The following PRKAR1B variants were observed in gnomAD, a reference collection of about 807,000 sequenced individuals.
PRKAR1B encodes the protein protein kinase cAMP-dependent type I regulatory subunit beta.
A neutral mutation model predicts 46.5 loss-of-function variants in PRKAR1B; 22 were observed. The observed-to-expected ratio is 0.47, with a 90% CI of 0.34 to 0.68. The LOEUF (loss-of-function observed/expected upper bound fraction) is 0.68. Among genes scored for constraint, PRKAR1B ranks in the 30% least tolerant of loss-of-function variants. PRKAR1B has a pLI of 0.01. For missense variants in PRKAR1B, 445 were observed against 535.6 expected (o/e 0.83, Z 1.67); for synonymous variants, 259 against 217.7 (o/e 1.19, Z -1.67).
chr7:641,197 C>T (rs946353306), intron 4 of PRKAR1B, among the ~76,000 whole-genome samples: 2 of 152,298 alleles, frequency 1.3e-5, no homozygotes, highest in African/African-American at 4.8e-5. Context: ...CATGATCCGC[C>T]CGCCTCGGCC....
intron 4 of PRKAR1B, among the ~76,000 whole-genome samples, chr7:673,068 A>AC: frequency 7.0e-6 from 1 of 142,606 alleles, no homozygotes; most frequent in East Asian, 2.0e-4. Flanking sequence ...AAAAAAAAAA[A>AC]AAAAAAAAAA....
At chr7:600,626 C>G (rs1241751079) in intron 6 of PRKAR1B, among the ~76,000 whole-genome samples, 2 of 152,256 alleles carry the variant, frequency 1.3e-5, no homozygotes, top group South Asian at 2.1e-4. Flanking sequence ...CCCAGCCCCC[C>G]AGAAAGAGCT....
At chr7:649,897 T>TTGCTATGC (rs1784802335) in intron 4 of PRKAR1B, among the ~76,000 whole-genome samples, 3 of 151,372 alleles carry the variant, frequency 2.0e-5, no homozygotes, top group Admixed American at 6.6e-5. Flanking sequence ...GCTTGAGGTC[T>TTGCTATGC]TGCTATGCTG....
intron 9 of PRKAR1B, among the ~76,000 whole-genome samples, chr7:568,854 G>A (rs1469726522): frequency 3.9e-5 from 6 of 152,154 alleles, no homozygotes; most frequent in Non-Finnish European, 4.4e-5. Flanking sequence ...CATCTGTCTC[G>A]TCTGGGAACG....
chr7:594,800 G>A (rs571660541), intron 7 of PRKAR1B, among the ~76,000 whole-genome samples: 2 of 151,914 alleles, frequency 1.3e-5, no homozygotes, highest in African/African-American at 4.8e-5. Context: ...ATTATGAGGG[G>A]ACCCCAAGAC....
chr7:680,112 C>G (rs1229368059), intron 3 of PRKAR1B, among the ~76,000 whole-genome samples: 2 of 149,032 alleles, frequency 1.3e-5, no homozygotes, highest in Non-Finnish European at 3.0e-5. Flanking sequence ...GAGCTGAGAT[C>G]GCACCACTGC....
At chr7:552,927 C>T (rs1396575634) in intron 9 of PRKAR1B, among the ~76,000 whole-genome samples, 3 of 152,248 alleles carry the variant, frequency 2.0e-5, no homozygotes, top group South Asian at 4.1e-4. Flanking sequence ...GAGGGGTCTG[C>T]GGGTTGCCCA....
chr7:573,647 G>A (rs984157436), intron 9 of PRKAR1B, among the ~76,000 whole-genome samples: 1 of 152,244 alleles, frequency 6.6e-6, no homozygotes, highest in Non-Finnish European at 1.5e-5. Flanking sequence ...CAGCAGATGT[G>A]CCACTGCGGG....
rs74196521 is a variant in PRKAR1B at position 552,593 on chromosome 7, C to T, written c.892-1123G>A. ...CTGTGACCAGGGCATCTGAGCACCG[C>T]GGGACCTGCCCAGAGACCACCGTCC... On this transcript the variant is annotated intron_variant, in intron 9 of 10. Coordinates refer to ENST00000537384, the MANE Select transcript of PRKAR1B (RefSeq NM_001164760.2). Among the ~76,000 whole-genome samples, 1,992 of 152,360 alleles carry T rather than the reference C, an allele frequency of 0.013. 72 individuals are homozygous for T. The East Asian group carries it at 0.15, about 12-fold the overall frequency.
chr7:593,442 C>T lies in PRKAR1B; in HGVS notation c.708+2704G>A, dbSNP rs982996908. Among the ~76,000 whole-genome samples, 1 of 152,190 alleles carries T rather than the reference C, an allele frequency of 6.6e-6. No homozygotes were observed. Among genetic ancestry groups the T allele is most frequent in the Non-Finnish European group, 1.5e-5 (1 of 68,040 alleles). On this transcript the variant is annotated intron_variant, in intron 7 of 10. Coordinates refer to ENST00000537384, the MANE Select transcript of PRKAR1B (RefSeq NM_001164760.2). This position sits in a 1 kb window ranked among gnomAD's most constrained non-coding sequence, Gnocchi z 6.1. ...GCCAGCTATTCTTAGCGCACAGGGA[C>T]CCAAAATTAAAACAGAGGAAGCGCC...
intron 9 of PRKAR1B, among the ~76,000 whole-genome samples, chr7:570,444 C>T (rs563074534): frequency 6.6e-6 from 1 of 152,182 alleles, no homozygotes; most frequent in Admixed American, 6.5e-5. Flanking sequence ...CCCACCCTCC[C>T]GCGCTCCTGT....
Position 666,864 on chromosome 7 carries a change from T to C in PRKAR1B, c.440+10365A>G, listed in dbSNP as rs1356244091. ...CCAGCCTCCAAGGGGCAAGGCACCATCCAGAAGAAGTACCTTCATGGACTC... is the reference window on the plus strand; with the variant it reads ...CCAGCCTCCAAGGGGCAAGGCACCACCCAGAAGAAGTACCTTCATGGACTC... On this transcript the variant is annotated intron_variant, in intron 4 of 10. Transcript: ENST00000537384. The surrounding 1 kb of genome is among the most constrained non-coding windows in gnomAD (Gnocchi z 4.9). Among the ~76,000 whole-genome samples, 1 of 152,182 alleles carries C rather than the reference T, an allele frequency of 6.6e-6. No individual in the cohort carries two copies. The highest frequency in any genetic ancestry group is 2.4e-5 in the African/African-American group (1 of 41,436).
At chr7:595,153 C>T (rs971929249) in intron 7 of PRKAR1B, among the ~76,000 whole-genome samples, 1 of 152,192 alleles carries the variant, frequency 6.6e-6, no homozygotes, top group East Asian at 1.9e-4. Context: ...CACTGCCCCA[C>T]GCGGGAAGGC....
intron 1 of PRKAR1B, among the ~76,000 whole-genome samples, chr7:725,213 CAAA>C (rs572091049): frequency 4.7e-5 from 4 of 85,758 alleles, no homozygotes; most frequent in Admixed American, 2.7e-4. Flanking sequence ...GATTCCATCT[CAAA>C]AAAAAAAAAA....
intron 2 of PRKAR1B, 111 bp downstream of exon 2, chr7:711,218 C>G: frequency 6.9e-7 from 1 of 1,439,546 alleles, no homozygotes; most frequent in East Asian, 2.3e-5. Context: ...CAGACAGTCT[C>G]TGGGGCACCC....
At chr7:589,399 C>G (rs978335804) in intron 7 of PRKAR1B, among the ~76,000 whole-genome samples, 3 of 152,046 alleles carry the variant, frequency 2.0e-5, no homozygotes, top group African/African-American at 7.2e-5. Context: ...AGCTGCTGAC[C>G]CAGCCCTCGT....
intron 4 of PRKAR1B, among the ~76,000 whole-genome samples, chr7:653,801 T>C (rs1049323390): frequency 3.9e-5 from 6 of 152,164 alleles, no homozygotes; most frequent in African/African-American, 1.4e-4. Flanking sequence ...TGTGGTGTTA[T>C]AACTAGTGCT....
intron 2 of PRKAR1B, among the ~76,000 whole-genome samples, chr7:704,352 T>C (rs1044298991): frequency 6.6e-6 from 1 of 152,112 alleles, no homozygotes; most frequent in Non-Finnish European, 1.5e-5. Context: ...GTCTCAGGAA[T>C]GAAAACCATC....
intron 4 of PRKAR1B, among the ~76,000 whole-genome samples, chr7:638,863 G>A (rs189323383): frequency 1.6e-3 from 251 of 152,186 alleles, no homozygotes; most frequent in African/African-American, 5.8e-3. Context: ...GATCACTTGA[G>A]GTCAGGAGTT....
Sources: gnomAD v4.1 joint callset for allele counts (sites outside exome capture counted in the v4.1 genomes callset) on GRCh38, gnomAD v4.1.1 for gene constraint, Gnocchi (gnomAD v3.1) non-coding constraint, MANE v1.5 for transcripts, NCBI Gene and HGNC (gene_info 2026-07-23, HGNC 2026-07-21) for gene names.